The following RBMS3 variants were observed in gnomAD, a reference collection of about 807,000 sequenced individuals.
RBMS3 encodes the protein RNA-binding motif, single-stranded-interacting protein 3.
Under a neutral mutation model 66.8 loss-of-function variants are expected in RBMS3, and 27 were observed. The observed-to-expected ratio is 0.40, with a 90% CI of 0.30 to 0.56. The LOEUF (loss-of-function observed/expected upper bound fraction) is 0.56, where lower values mean the gene tolerates loss of function less well. RBMS3 is among the 20% of genes least tolerant of loss of function. RBMS3 has a pLI of 0.40. For synonymous variants in RBMS3, 188 were observed against 183.0 expected, an observed-to-expected ratio of 1.03 and a Z score of -0.22; for missense variants, 513 against 549.5, an observed-to-expected ratio of 0.93 and a Z score of 0.66.
At chr3:29,907,445 G>A (rs57186886) in intron 10 of RBMS3, among the ~76,000 whole-genome samples, 3,559 of 151,820 alleles carry the variant, frequency 0.023, 153 homozygotes, top group African/African-American at 0.082. Flanking sequence ...TTTAATTTAG[G>A]TGTAGATGTT....
intron 1 of RBMS3, among the ~76,000 whole-genome samples, chr3:29,395,673 C>G (rs1457514775): frequency 6.6e-6 from 1 of 152,084 alleles, no homozygotes; most frequent in Non-Finnish European, 1.5e-5. Context: ...TTAATTTTCT[C>G]AAAAATATTG....
chr3:29,559,916 T>C (rs546123696), intron 3 of RBMS3, among the ~76,000 whole-genome samples: 1 of 152,300 alleles, frequency 6.6e-6, no homozygotes, highest in South Asian at 2.1e-4. Flanking sequence ...CAAGATAGAG[T>C]GTCTCCTGGG....
intron 1 of RBMS3, among the ~76,000 whole-genome samples, chr3:29,323,175 T>G (rs566516197): frequency 2.6e-4 from 39 of 152,306 alleles, no homozygotes; most frequent in Non-Finnish European, 2.9e-4. Flanking sequence ...ATATCAAATT[T>G]TATGTACAGA....
chr3:29,411,281 A>G (rs1311650117), intron 1 of RBMS3, among the ~76,000 whole-genome samples: 1 of 152,234 alleles, frequency 6.6e-6, no homozygotes, highest in African/African-American at 2.4e-5. Flanking sequence ...GGTAAAGAAA[A>G]CATTACAAAT....
chr3:29,870,283 A>G (rs1307180849), intron 7 of RBMS3, among the ~76,000 whole-genome samples: 1 of 152,030 alleles, frequency 6.6e-6, no homozygotes, highest in Non-Finnish European at 1.5e-5. Flanking sequence ...GCCTGATAGC[A>G]CTCATTATCA....
chr3:29,324,136 AC>A (rs2035180265), intron 1 of RBMS3, among the ~76,000 whole-genome samples: 1 of 152,190 alleles, frequency 6.6e-6, no homozygotes, highest in African/African-American at 2.4e-5. Flanking sequence ...CACAGATTTT[AC>A]TGTGCAATGA....
chr3:29,375,662 C>A (rs1298585667), intron 1 of RBMS3, among the ~76,000 whole-genome samples: 1 of 152,184 alleles, frequency 6.6e-6, no homozygotes. Context: ...TACCATCTCA[C>A]AGCAACCAGA....
intron 6 of RBMS3, among the ~76,000 whole-genome samples, chr3:29,782,838 C>T (rs1389838517): frequency 6.6e-6 from 1 of 151,810 alleles, no homozygotes; most frequent in Admixed American, 6.6e-5. Flanking sequence ...AAATAAAAAC[C>T]AATAACAAAT....
At chr3:29,668,385 T>C (rs2050855087) in intron 4 of RBMS3, among the ~76,000 whole-genome samples, 1 of 152,314 alleles carries the variant, frequency 6.6e-6, no homozygotes, top group African/African-American at 2.4e-5. Flanking sequence ...CAAATACTAC[T>C]ACTGGCCTAG....
chr3:29,941,904 T>C (rs1329500572), intron 11 of RBMS3, among the ~76,000 whole-genome samples: 2 of 151,830 alleles, frequency 1.3e-5, no homozygotes, highest in Non-Finnish European at 2.9e-5. Flanking sequence ...AAGCATTCTC[T>C]AGCACTGATT....
At chr3:29,533,455 C>T (rs1277388396) in intron 3 of RBMS3, among the ~76,000 whole-genome samples, 3 of 152,140 alleles carry the variant, frequency 2.0e-5, no homozygotes, top group Non-Finnish European at 2.9e-5. Context: ...GCACTCCAGC[C>T]TGGGTGACAC....
At chr3:29,929,591 T>TAAAAA (rs5847607) in intron 10 of RBMS3, among the ~76,000 whole-genome samples, 1 of 150,966 alleles carries the variant, frequency 6.6e-6, no homozygotes, top group Non-Finnish European at 1.5e-5. Context: ...ATTATAACTT[T>TAAAAA]AAAAAAAAAT....
chr3:29,665,639 A>G (rs952811935), intron 4 of RBMS3, among the ~76,000 whole-genome samples: 10 of 152,204 alleles, frequency 6.6e-5, no homozygotes, highest in African/African-American at 2.4e-4. Context: ...GTTTGCCAAC[A>G]TTGCCCTTTT....
intron 2 of RBMS3, among the ~76,000 whole-genome samples, chr3:29,477,662 T>A (rs2042993941): frequency 6.6e-6 from 1 of 151,418 alleles, no homozygotes; most frequent in African/African-American, 2.4e-5. Context: ...ATAACCACAA[T>A]TAAAATTAGC....
chr3:29,716,424 T>C (rs567332184), intron 4 of RBMS3, among the ~76,000 whole-genome samples: 1 of 152,266 alleles, frequency 6.6e-6, no homozygotes, highest in South Asian at 2.1e-4. Context: ...ATCGTTTCTA[T>C]GTTAAAAAAT....
At chr3:29,779,808 C>T (rs979042047) in intron 6 of RBMS3, among the ~76,000 whole-genome samples, 1 of 148,936 alleles carries the variant, frequency 6.7e-6, no homozygotes, top group Non-Finnish European at 1.5e-5. Flanking sequence ...ACTTTAGACC[C>T]TAGCTTTTCT....
intron 2 of RBMS3, among the ~76,000 whole-genome samples, chr3:29,487,409 C>T (rs75493464): frequency 0.025 from 3,733 of 152,162 alleles, 65 homozygotes; most frequent in Middle Eastern, 0.044. Flanking sequence ...TTAAAACTAA[C>T]GATGTAAACT....
chr3:29,302,435 G>A (rs1183344077), intron 1 of RBMS3, among the ~76,000 whole-genome samples: 1 of 151,864 alleles, frequency 6.6e-6, no homozygotes, highest in Non-Finnish European at 1.5e-5. Flanking sequence ...TACCCTCCCT[G>A]GCTCTGGTGA....
chr3:29,936,126 T>G lies in RBMS3; in HGVS notation c.980T>G (p.Met327Arg). The G allele has an allele frequency of 1.2e-6, 2 of 1,613,348 alleles. No homozygotes were observed. The highest frequency in any genetic ancestry group is 1.7e-6 in the Non-Finnish European group (2 of 1,179,538). Reference sequence around the variant, plus strand: ...CCAACCATGGACCATCCCATGTCAATGCAGCCAGCCAACATGATGGGCCCA... The same window carrying G: ...CCAACCATGGACCATCCCATGTCAAGGCAGCCAGCCAACATGATGGGCCCA... The part of the protein sequence containing the change: ...ITPTMDHPMS[M>R]QPANMMGPLT... The change falls in exon 11 of 15, where the codon ATG becomes AGG. Residue 327 changes from methionine (M) to arginine (R), a missense_variant. Physicochemically the swap from Met to Arg is moderately conservative, Grantham distance 91. Transcript: ENST00000383767.
Sources: gnomAD v4.1 joint callset for allele counts (sites outside exome capture counted in the v4.1 genomes callset) on GRCh38, gnomAD v4.1.1 for gene constraint, MANE v1.5 for transcripts, NCBI Gene and HGNC (gene_info 2026-07-23, HGNC 2026-07-21) for gene names.